The following UTS2 variants were observed in gnomAD, a reference collection of about 807,000 sequenced individuals.
UTS2 encodes the protein urotensin 2.
A neutral mutation model predicts 12.6 loss-of-function variants in UTS2; 10 were observed. That is an observed-to-expected ratio of 0.80 (90% CI 0.49 to 1.35). UTS2 has a LOEUF of 1.35. UTS2 is among the 40% of genes most tolerant of loss of function. The pLI is 0.00. For synonymous variants in UTS2, 52 were observed against 50.0 expected, an observed-to-expected ratio of 1.04 and a Z score of -0.17; for missense variants, 142 against 143.2, an observed-to-expected ratio of 0.99 and a Z score of 0.04.
Position 7,850,805 on chromosome 1 carries a change from ATTTTACCTGC to A in UTS2, c.211_214+6del. 1.2e-6 allele frequency: 2 copies of A among 1,614,004 alleles called. No individual in the cohort carries two copies. The highest frequency in any genetic ancestry group is 2.7e-5 in the African/African-American group (2 of 75,044). Reference sequence around the variant, plus strand: ...CAGACACGCTATAAACATGAGAAGCATTTTACCTGCTTTCCTGAGAATATCCCCTCTTTCT... The same window carrying A: ...CAGACACGCTATAAACATGAGAAGCATTTCCTGAGAATATCCCCTCTTTCT... On this transcript the variant is annotated splice_donor_variant and splice_donor_5th_base_variant and coding_sequence_variant and intron_variant, in exon 2 of 4. Coordinates refer to ENST00000361696, the MANE Select transcript of UTS2 (RefSeq NM_006786.4). LOFTEE classifies it high-confidence loss of function.
Position 7,847,696 on chromosome 1 carries a change from C to CA in UTS2, c.*69dup. 8.1e-7 allele frequency: 1 copy of CA among 1,232,824 alleles called. No homozygotes were observed. Among genetic ancestry groups the CA allele is most frequent in the Non-Finnish European group, 1.2e-6 (1 of 853,472 alleles). The allele number at this position is 1,232,824 out of a possible 1,614,324, so 76.4% of individuals were successfully genotyped here. On this transcript the variant is annotated 3_prime_UTR_variant, in exon 4 of 4. Transcript: ENST00000361696. ...GTTTTTCTCCACACTGTTTTCAAAT[C>CA]AAGCATTGTGTTATTTTTCATATTC...
At chr1:7,863,916 G>C in the UTS2 span, among the ~76,000 whole-genome samples, 20 of 152,244 alleles carry the variant, frequency 1.3e-4, no homozygotes, top group Non-Finnish European at 2.6e-4. Context: ...TCTGGAGGCT[G>C]GTGCTGGCTG....
chr1:7,905,365 G>A, the UTS2 span, among the ~76,000 whole-genome samples: 1 of 151,854 alleles, frequency 6.6e-6, no homozygotes, highest in Non-Finnish European at 1.5e-5. Flanking sequence ...GGCTGGTCTT[G>A]AACTCCCGAC....
chr1:7,848,607 G>A (rs1034772123), intron 3 of UTS2, among the ~76,000 whole-genome samples: 4 of 151,932 alleles, frequency 2.6e-5, no homozygotes, highest in Middle Eastern at 3.2e-3. Context: ...TGCAACCCCC[G>A]CCTCCAGGTT....
At chr1:7,853,075 C>T (rs928483449), upstream of UTS2, 14 of 1,555,730 alleles carry the variant, frequency 9.0e-6, no homozygotes, top group African/African-American at 1.9e-4. Context: ...CCTCATTCTG[C>T]CTGCTCACTG....
At chr1:7,850,675 A>C in intron 2 of UTS2, 137 bp downstream of exon 2, 1 of 801,954 alleles carries the variant, frequency 1.2e-6, no homozygotes, top group Non-Finnish European at 2.0e-6. Flanking sequence ...CCGGGAGGGG[A>C]GAGTGTTGGT....
chr1:7,886,379 T>C, the UTS2 span, among the ~76,000 whole-genome samples: 18 of 152,238 alleles, frequency 1.2e-4, no homozygotes, highest in Non-Finnish European at 2.6e-4. Context: ...GCTTAATATA[T>C]TGTTCAAGCT....
At chr1:7,876,262 G>A in the UTS2 span, among the ~76,000 whole-genome samples, 1 of 152,098 alleles carries the variant, frequency 6.6e-6, no homozygotes, top group African/African-American at 2.4e-5. Context: ...TACACCACGG[G>A]GGATATTGAG....
chr1:7,903,840 C>T, the UTS2 span, among the ~76,000 whole-genome samples: 6 of 152,018 alleles, frequency 3.9e-5, no homozygotes, highest in African/African-American at 1.5e-4. Flanking sequence ...GAGCCACAGC[C>T]CCTTCAGAAT....
the UTS2 span, among the ~76,000 whole-genome samples, chr1:7,879,492 G>C: frequency 2.0e-5 from 3 of 152,114 alleles, no homozygotes; most frequent in Non-Finnish European, 4.4e-5. Context: ...TGTAATCCCA[G>C]TACTTTAGGA....
the UTS2 span, among the ~76,000 whole-genome samples, chr1:7,903,392 A>AATTT: frequency 1.5e-4 from 18 of 120,508 alleles, 3 homozygotes; most frequent in Admixed American, 3.6e-4. Flanking sequence ...TTAATTAATT[A>AATTT]ATTTATTTAT....
the UTS2 span, among the ~76,000 whole-genome samples, chr1:7,869,481 C>T: frequency 2.0e-5 from 3 of 152,192 alleles, no homozygotes; most frequent in African/African-American, 2.4e-5. Flanking sequence ...TTCCACAGGC[C>T]GAGGTTTTTA....
At chr1:7,856,503 G>A (rs1451106081), upstream of UTS2, among the ~76,000 whole-genome samples, 1 of 74,824 alleles carries the variant, frequency 1.3e-5, no homozygotes, top group Non-Finnish European at 3.0e-5. Flanking sequence ...TCCAGCGAGA[G>A]AAGTCGGGGA....
In UTS2 at chr1:7,852,986, G is replaced by A. The variant is rs775567533; in HGVS notation, c.18C>T (p.Ser6=). The A allele has an allele frequency of 1.2e-6, 2 of 1,613,476 alleles. No homozygotes were observed. Among genetic ancestry groups the A allele is most frequent in the African/African-American group, 2.7e-5 (2 of 74,866 alleles). ...AGAATCCTATGAAAAGCAAACAGCA[G>A]GAGGCCAGCTTATACATGATCGCCA... MYKLA[S]CCLLFIGFLN... is the part of the protein sequence containing the mutation. The change falls in exon 1 of 4, where the codon TCC becomes TCT. Residue 6 remains serine, a synonymous_variant. Coordinates refer to ENST00000361696, the MANE Select transcript of UTS2 (RefSeq NM_006786.4).
the UTS2 span, among the ~76,000 whole-genome samples, chr1:7,889,657 T>C: frequency 6.6e-6 from 1 of 151,644 alleles, no homozygotes; most frequent in East Asian, 1.9e-4. Context: ...ATACAAAAAT[T>C]AGCTAAAAAT....
At chr1:7,908,295 TA>T in the UTS2 span, among the ~76,000 whole-genome samples, 14,555 of 107,820 alleles carry the variant, frequency 0.13, 2,236 homozygotes, top group African/African-American at 0.4. Context: ...AGACTCCGTC[TA>T]AAAAAAAAAA....
At chr1:7,906,503 G>GA in the UTS2 span, among the ~76,000 whole-genome samples, 2 of 130,160 alleles carry the variant, frequency 1.5e-5, no homozygotes, top group Admixed American at 1.6e-4. Flanking sequence ...AAGAAAGAAA[G>GA]AAAGAAAAGA....
At chr1:7,895,542 G>A in the UTS2 span, among the ~76,000 whole-genome samples, 1 of 152,160 alleles carries the variant, frequency 6.6e-6, no homozygotes, top group East Asian at 1.9e-4. Flanking sequence ...AAAGGAAGAT[G>A]AGGAGTGCAG....
At chr1:7,863,021 TTG>T in the UTS2 span, among the ~76,000 whole-genome samples, 40 of 23,884 alleles carry the variant, frequency 1.7e-3, 2 homozygotes, top group South Asian at 6.0e-3. Context: ...TTGTATTGTA[TTG>T]TATTGTATTG....
Sources: allele counts gnomAD v4.1 joint callset (sites outside exome capture counted in the v4.1 genomes callset), GRCh38; gene constraint gnomAD v4.1.1; transcripts MANE v1.5; gene names NCBI Gene and HGNC (gene_info 2026-07-23, HGNC 2026-07-21).